PHF21A: variants seen among roughly 807,000 people sequenced by gnomAD.
The protein encoded by PHF21A is BHC80a.
A neutral mutation model predicts 82.5 loss-of-function variants in PHF21A; 11 were observed. That is an observed-to-expected ratio of 0.13 (90% CI 0.08 to 0.22). The LOEUF is 0.22. Among genes scored for constraint, PHF21A ranks in the 10% least tolerant of loss-of-function variants. PHF21A has a pLI of 1.00. For missense variants in PHF21A, 579 were observed against 837.8 expected, an observed-to-expected ratio of 0.69 and a Z score of 3.81; for synonymous variants, 297 against 302.8, an observed-to-expected ratio of 0.98 and a Z score of 0.20.
chr11:45,987,660 CAAAAAAAAAAAAAAAAAA>C (rs71038877), intron 6 of PHF21A, among the ~76,000 whole-genome samples: 1 of 34,896 alleles, frequency 2.9e-5, no homozygotes, highest in Non-Finnish European at 4.4e-5. Flanking sequence ...GACCCCGTCT[CAAAAAAAAAAAAAAAAAA>C]AAAAAAAAAG....
chr11:46,028,793 C>A (rs1004144409), intron 6 of PHF21A, among the ~76,000 whole-genome samples: 1 of 151,774 alleles, frequency 6.6e-6, no homozygotes, highest in Non-Finnish European at 1.5e-5. Context: ...AGGCTAGTTT[C>A]GAACTCCTGA....
At chr11:46,018,742 T>C (rs543672581) in intron 6 of PHF21A, among the ~76,000 whole-genome samples, 1 of 152,118 alleles carries the variant, frequency 6.6e-6, no homozygotes, top group East Asian at 1.9e-4. Context: ...AAAACAGAGA[T>C]AGCAATTGAT....
rs914829226 is a variant in PHF21A at position 46,060,578 on chromosome 11, T to C, written c.153+16176A>G. Among the ~76,000 whole-genome samples the C allele has an allele frequency of 5.0e-4, 76 of 152,258 alleles. 1 individual carries two copies. Among genetic ancestry groups the C allele is most frequent in the Non-Finnish European group, 5.6e-4 (38 of 68,040 alleles). ...TGCATTTCTCTAAAGATCAGTGATGTTGAGCTTTTTTGCATATGATTGTTG... is the reference window on the plus strand; with the variant it reads ...TGCATTTCTCTAAAGATCAGTGATGCTGAGCTTTTTTGCATATGATTGTTG... On this transcript the variant is annotated intron_variant, in intron 6 of 18. Coordinates refer to ENST00000676320, the MANE Select transcript of PHF21A (RefSeq NM_001352027.3).
rs141940654 is a variant in PHF21A, at chr11:46,035,918, C to A, written c.153+40836G>T. ...TGGTCCTAAGAGCAAAGAGAAGACA[C>A]AGAGAGGTTTTAAGCAACCATTTAA... On this transcript the variant is annotated intron_variant, in intron 6 of 18. Coordinates refer to ENST00000676320, the MANE Select transcript of PHF21A (RefSeq NM_001352027.3). Among the ~76,000 whole-genome samples, 232 of 152,256 alleles carry A rather than the reference C, an allele frequency of 1.5e-3. 3 individuals are homozygous for A. The highest frequency in any genetic ancestry group is 5.2e-3 in the African/African-American group (216 of 41,554).
At chr11:46,087,297 CTG>C (rs1174022125) in intron 3 of PHF21A, among the ~76,000 whole-genome samples, 1 of 152,216 alleles carries the variant, frequency 6.6e-6, no homozygotes, top group African/African-American at 2.4e-5. Context: ...AACTTGAAGA[CTG>C]TAAATGTCAA....
chr11:46,002,906 A>T (rs12803245), intron 6 of PHF21A, among the ~76,000 whole-genome samples: 1 of 152,188 alleles, frequency 6.6e-6, no homozygotes, highest in Non-Finnish European at 1.5e-5. Context: ...TAGATCATTG[A>T]TACCTTTTTA....
intron 6 of PHF21A, among the ~76,000 whole-genome samples, chr11:46,066,156 A>T (rs2096591642): frequency 6.6e-6 from 1 of 152,208 alleles, no homozygotes; most frequent in Non-Finnish European, 1.5e-5. Context: ...ATACACAGGC[A>T]ACATTAGTCT....
At position 45,971,340 on chromosome 11, in the gene PHF21A, T is replaced by C. The variant is rs1302952857; in HGVS notation, c.388A>G (p.Thr130Ala). 1 of 1,614,016 alleles carries C rather than the reference T, an allele frequency of 6.2e-7. No homozygotes were observed. The highest frequency in any genetic ancestry group is 1.3e-5 in the African/African-American group (1 of 74,922). Residue 130 changes from threonine (T) to alanine (A), a missense_variant, in exon 8 of 19, where the codon ACC becomes GCC. Physicochemically the swap from Thr to Ala is moderately conservative, Grantham distance 58 (BLOSUM62 0). This residue lies in a region of PHF21A where 410 missense variants were observed against 642.1 expected (regional missense o/e 0.64). Coordinates refer to ENST00000676320, the MANE Select transcript of PHF21A (RefSeq NM_001352027.3). Reference sequence around the variant, plus strand: ...AAGACGAGAGGTAGTGTCTTTGTGGTAATCATAGAAGCTGTAGTTACAGTC... The same window carrying C: ...AAGACGAGAGGTAGTGTCTTTGTGGCAATCATAGAAGCTGTAGTTACAGTC... ...QKTVTTASMITTKTLPLVLKA... is the reference protein window; with the variant it reads ...QKTVTTASMIATKTLPLVLKA...
chr11:45,979,711 C>A (rs1453917288), intron 7 of PHF21A, 49 bp downstream of exon 7: 1 of 1,612,058 alleles, frequency 6.2e-7, no homozygotes, highest in Admixed American at 1.7e-5. Context: ...TGACCAACAA[C>A]AAATCAGTCT....
chr11:46,043,682 G>A (rs2096200558), intron 6 of PHF21A, among the ~76,000 whole-genome samples: 1 of 151,826 alleles, frequency 6.6e-6, no homozygotes, highest in South Asian at 2.1e-4. Context: ...TTTCCTTCTG[G>A]TGAAGTATGA....
chr11:46,020,267 T>A (rs2095602830), intron 6 of PHF21A, among the ~76,000 whole-genome samples: 1 of 152,192 alleles, frequency 6.6e-6, no homozygotes, highest in Non-Finnish European at 1.5e-5. Flanking sequence ...CATTCACACA[T>A]CTGCAGAGTA....
At chr11:46,079,492 A>C (rs551568347) in intron 4 of PHF21A, among the ~76,000 whole-genome samples, 4 of 152,238 alleles carry the variant, frequency 2.6e-5, no homozygotes, top group Admixed American at 2.6e-4. Flanking sequence ...AAATGTTGTC[A>C]ATGTCTAGAG....
At chr11:45,971,498 T>C (rs993637916) in intron 7 of PHF21A, 131 bp from the exon 8 acceptor site, 2 of 837,220 alleles carry the variant, frequency 2.4e-6, no homozygotes, top group Admixed American at 2.9e-5. Context: ...AGTTTCTCTG[T>C]AGAACAACAT....
intron 1 of PHF21A, among the ~76,000 whole-genome samples, chr11:46,120,078 G>A (rs541146453): frequency 1.3e-4 from 19 of 149,684 alleles, no homozygotes; most frequent in South Asian, 6.3e-4. Flanking sequence ...AAGAATAAGC[G>A]GAATTTCCCC....
rs369443440 is a variant in PHF21A, at chr11:45,933,953, C to T, written c.*15G>A. 1.9e-5 allele frequency: 29 copies of T among 1,525,230 alleles called. No homozygotes were observed. The South Asian group carries it at 3.0e-4, about 16-fold the overall frequency. The allele number at this position is 1,525,230 out of a possible 1,614,324, so 94.5% of individuals were successfully genotyped here. On this transcript the variant is annotated 3_prime_UTR_variant, in exon 19 of 19. Transcript: ENST00000676320. Reference sequence around the variant, plus strand: ...TTGCCGCCGGGATCCCGTGGCTTCTCCTAGAGGGGCTCTGTTATTTAGTCT... The same window carrying T: ...TTGCCGCCGGGATCCCGTGGCTTCTTCTAGAGGGGCTCTGTTATTTAGTCT...
intron 1 of PHF21A, among the ~76,000 whole-genome samples, chr11:46,111,466 A>G (rs2097213245): frequency 6.6e-6 from 1 of 151,944 alleles, no homozygotes; most frequent in African/African-American, 2.4e-5. Context: ...ACATGGCAAG[A>G]CTCCGTCTCA....
At chr11:46,105,973 G>A (rs931607963) in intron 1 of PHF21A, among the ~76,000 whole-genome samples, 14 of 152,024 alleles carry the variant, frequency 9.2e-5, no homozygotes, top group African/African-American at 3.1e-4. Flanking sequence ...TATTAGGCAC[G>A]GATTTAATAT....
At chr11:46,044,801 T>C (rs1214012104) in intron 6 of PHF21A, among the ~76,000 whole-genome samples, 1 of 152,208 alleles carries the variant, frequency 6.6e-6, no homozygotes, top group African/African-American at 2.4e-5. Flanking sequence ...TCTGAATATA[T>C]TGCCTTAGCA....
Position 45,965,301 on chromosome 11 carries a change from T to C in PHF21A, c.996+14A>G, listed in dbSNP as rs182714947. ...AAGGCTACTGCCCAGAGCAGGTACA[T>C]ACTCTGCCTGTACCTGTTTTTCAAG... On this transcript the variant is annotated intron_variant, in intron 10 of 18. Coordinates refer to ENST00000676320, the MANE Select transcript of PHF21A (RefSeq NM_001352027.3). 9.1e-4 allele frequency: 1,459 copies of C among 1,611,220 alleles called. 6 individuals carry two copies. The highest frequency in any genetic ancestry group is 9.5e-4 in the Non-Finnish European group (1,122 of 1,178,056).
Sources: allele counts gnomAD v4.1 joint callset (sites outside exome capture counted in the v4.1 genomes callset), GRCh38; gene constraint gnomAD v4.1.1; regional missense constraint gnomAD v4.1.1; transcripts MANE v1.5; gene names NCBI Gene and HGNC (gene_info 2026-07-23, HGNC 2026-07-21).